Variants in RBM6 observed in about 807,000 individuals in gnomAD.
The protein encoded by RBM6 is RNA-binding protein 6.
In RBM6, 23 loss-of-function variants were observed where a neutral mutation model predicts 140.4. The observed-to-expected ratio is 0.16, with a 90% CI of 0.12 to 0.23. The LOEUF (loss-of-function observed/expected upper bound fraction) is 0.23. Ranked by LOEUF, RBM6 falls within the 10% of genes least tolerant of loss-of-function variation. RBM6 has a pLI of 1.00. For missense variants in RBM6, 1,139 were observed against 1,386.7 expected, an observed-to-expected ratio of 0.82 and a Z score of 2.84; for synonymous variants, 439 against 475.6, an observed-to-expected ratio of 0.92 and a Z score of 1.00.
At chr3:49,969,772 T>G (rs2084699668) in intron 3 of RBM6, among the ~76,000 whole-genome samples, 1 of 151,612 alleles carries the variant, frequency 6.6e-6, no homozygotes, top group Non-Finnish European at 1.5e-5. Context: ...TGGCTAGTTT[T>G]TTTTTTTTTC....
In RBM6 at chr3:49,967,428, ACT is replaced by A. The variant is rs1667235940; in HGVS notation, c.45-37_45-36del. The A allele has an allele frequency of 2.6e-6, 4 of 1,547,180 alleles. No homozygotes were observed. The highest frequency in any genetic ancestry group is 1.9e-5 in the Admixed American group (1 of 52,184). ...GAATATGCTGGTGTGTAGATTTCAAACTCTCTGGACAATATGAATAACACTGT... is the reference window on the plus strand; with the variant it reads ...GAATATGCTGGTGTGTAGATTTCAAACTCTGGACAATATGAATAACACTGT... On this transcript the variant is annotated intron_variant, in intron 2 of 20. Transcript: ENST00000266022. The surrounding 1 kb of genome is among the most constrained non-coding windows in gnomAD (Gnocchi z 4.0).
At chr3:49,997,277 T>C (rs893752400) in intron 5 of RBM6, among the ~76,000 whole-genome samples, 19 of 152,112 alleles carry the variant, frequency 1.2e-4, no homozygotes, top group African/African-American at 4.3e-4. Context: ...GAATATAATA[T>C]TAAATCTGAA....
chr3:50,011,276 G>A (rs2086837483), intron 6 of RBM6, among the ~76,000 whole-genome samples: 1 of 152,056 alleles, frequency 6.6e-6, no homozygotes, highest in Non-Finnish European at 1.5e-5. Context: ...TTACCACAGA[G>A]GAACATTTAA....
intron 6 of RBM6, among the ~76,000 whole-genome samples, chr3:50,043,997 C>T (rs774768114): frequency 1.3e-5 from 2 of 151,826 alleles, no homozygotes; most frequent in Non-Finnish European, 2.9e-5. Context: ...AATTCTGCCT[C>T]AGTCTTCCGA....
At chr3:49,955,676 G>C (rs958598296) in intron 1 of RBM6, among the ~76,000 whole-genome samples, 1 of 151,760 alleles carries the variant, frequency 6.6e-6, no homozygotes, top group East Asian at 2.0e-4. Context: ...AACCTCGTCT[G>C]TACTAAAAAT....
chr3:49,998,293 C>G (rs1391078364), intron 5 of RBM6, among the ~76,000 whole-genome samples: 1 of 152,124 alleles, frequency 6.6e-6, no homozygotes, highest in Non-Finnish European at 1.5e-5. Context: ...ATATCAGTTT[C>G]CTATTGTTAT....
At chr3:50,058,097 A>C (rs2089787879) in intron 9 of RBM6, 94 bp downstream of exon 9, 2 of 1,428,086 alleles carry the variant, frequency 1.4e-6, no homozygotes, top group Non-Finnish European at 1.9e-6. Context: ...GCTTTCCAGT[A>C]CCCTGAGAGA....
In RBM6 at chr3:50,058,145, G is replaced by A. The variant is rs2089789483; in HGVS notation, c.1969+142G>A. ...CTGATGACAGAGGCCATTGCTGTCT[G>A]TGGACCTTCCTGTACTGCTTAAAGG... is the stretch of plus-strand genomic sequence containing the variant. On this transcript the variant is annotated intron_variant, in intron 9 of 20. Transcript: ENST00000266022. 9.8e-6 allele frequency: 11 copies of A among 1,119,644 alleles called. No homozygotes were observed. The South Asian group carries it at 1.4e-4, about 14-fold the overall frequency. The allele number at this position is 1,119,644 out of a possible 1,614,324, so 69.4% of individuals were successfully genotyped here. A position where few individuals can be genotyped will look rare whatever the true frequency, so the allele number is the denominator to read the frequency against.
intron 1 of RBM6, among the ~76,000 whole-genome samples, chr3:49,946,848 GTTT>G (rs778856917): frequency 7.2e-6 from 1 of 139,838 alleles, no homozygotes; most frequent in African/African-American, 2.6e-5. Context: ...TTTCTGTTTC[GTTT>G]TTTTTTTTTT....
At chr3:50,054,424 A>G (rs767074089) in intron 8 of RBM6, 29 bp downstream of exon 8, 6 of 1,554,042 alleles carry the variant, frequency 3.9e-6, no homozygotes, top group Non-Finnish European at 5.3e-6. Context: ...AGCAGTTTTT[A>G]TCTCGTGCAT....
At position 50,075,990 on chromosome 3, in the gene RBM6, A is replaced by G. The variant is rs2090447376; in HGVS notation, c.3246+660A>G. ...ATTCTTTTCTTTTTTTTTTTTTGAG[A>G]CAGAGTCTTGCTCTGTCGCCCAGGC... is the stretch of plus-strand genomic sequence containing the variant. On this transcript the variant is annotated intron_variant, in intron 20 of 20. Transcript: ENST00000266022. 6.0e-5 allele frequency among the ~76,000 whole-genome samples: 9 copies of G among 149,016 alleles called. No individual in the cohort carries two copies. The South Asian group carries it at 1.9e-3, about 31-fold the overall frequency.
chr3:50,011,589 G>A (rs2086852511), intron 6 of RBM6, among the ~76,000 whole-genome samples: 1 of 152,088 alleles, frequency 6.6e-6, no homozygotes, highest in South Asian at 2.1e-4. Context: ...GCTAGAATGT[G>A]TGCTCTCCAC....
chr3:50,076,718 T>G (rs1468212733), intron 20 of RBM6, among the ~76,000 whole-genome samples: 1 of 151,776 alleles, frequency 6.6e-6, no homozygotes, highest in African/African-American at 2.4e-5. Context: ...AAACCCTGTC[T>G]CTACTAAAAA....
intron 6 of RBM6, among the ~76,000 whole-genome samples, chr3:50,044,266 A>G (rs1052480421): frequency 1.3e-5 from 2 of 152,128 alleles, no homozygotes; most frequent in Non-Finnish European, 2.9e-5. Context: ...TAACTCAATA[A>G]ATCAAAAGAT....
intron 1 of RBM6, among the ~76,000 whole-genome samples, chr3:49,952,498 C>G (rs1464124903): frequency 1.6e-5 from 2 of 127,934 alleles, no homozygotes; most frequent in Non-Finnish European, 3.3e-5. Context: ...GTTACTTATC[C>G]TTTGTTTTTT....
chr3:49,955,201 C>G (rs111362539), intron 1 of RBM6, among the ~76,000 whole-genome samples: 1,133 of 90,752 alleles, frequency 0.012, 23 homozygotes, highest in African/African-American at 0.048. Flanking sequence ...GAGTCTCGCT[C>G]TGTTGCCCAG....
intron 6 of RBM6, among the ~76,000 whole-genome samples, chr3:50,027,957 CATACATT>C (rs1283933031): frequency 6.6e-6 from 1 of 152,070 alleles, no homozygotes; most frequent in African/African-American, 2.4e-5. Flanking sequence ...ATGGCATACT[CATACATT>C]AGATAACCAG....
At chr3:49,993,574 G>C (rs886772909) in intron 5 of RBM6, among the ~76,000 whole-genome samples, 2 of 151,968 alleles carry the variant, frequency 1.3e-5, no homozygotes, top group Non-Finnish European at 2.9e-5. Flanking sequence ...CCTGGTAGGC[G>C]GTAGTTGCAA....
intron 1 of RBM6, among the ~76,000 whole-genome samples, chr3:49,959,572 T>G (rs925542132): frequency 1.1e-5 from 1 of 91,068 alleles, no homozygotes; most frequent in South Asian, 3.0e-4. Flanking sequence ...ATATTTAGGG[T>G]TTTTTTTTTT....
Sources: allele counts gnomAD v4.1 joint callset (sites outside exome capture counted in the v4.1 genomes callset), GRCh38; gene constraint gnomAD v4.1.1; non-coding constraint Gnocchi (gnomAD v3.1); transcripts MANE v1.5; gene names NCBI Gene and HGNC (gene_info 2026-07-23, HGNC 2026-07-21).